Variants in XKR6 observed in about 807,000 individuals in gnomAD.
The protein encoded by XKR6 is XK-related protein 6.
Under a neutral mutation model 56.7 loss-of-function variants are expected in XKR6, and 22 were observed. The ratio of observed to expected loss-of-function variants is 0.39; its 90% CI spans 0.28 to 0.55. The LOEUF (loss-of-function observed/expected upper bound fraction) is 0.55, where lower values mean the gene tolerates loss of function less well. Ranked by LOEUF, XKR6 falls within the 20% of genes least tolerant of loss-of-function variation. XKR6 has a pLI of 0.66. For synonymous variants in XKR6, 524 were observed against 387.8 expected (o/e 1.35, Z -4.13); for missense variants, 852 against 889.0 (o/e 0.96, Z 0.53).
chr8:11,057,901 C>T (rs1029974393), intron 1 of XKR6, among the ~76,000 whole-genome samples: 2 of 152,222 alleles, frequency 1.3e-5, no homozygotes, highest in African/African-American at 4.8e-5. Flanking sequence ...CCGCATCTGA[C>T]AGACATTGAA....
chr8:10,917,043 T>C (rs1800582377), intron 2 of XKR6, among the ~76,000 whole-genome samples: 1 of 151,554 alleles, frequency 6.6e-6, no homozygotes, highest in African/African-American at 2.4e-5. Flanking sequence ...TTTATAATTT[T>C]CTCCTGCTTC....
intron 1 of XKR6, chr8:11,124,194 A>G: frequency 2.0e-5 from 7 of 356,818 alleles, no homozygotes; most frequent in South Asian, 1.5e-4. Context: ...GGGAGAAAAA[A>G]GCCAACCTTA....
chr8:11,102,927 G>A (rs572922776), intron 1 of XKR6, among the ~76,000 whole-genome samples: 5 of 152,178 alleles, frequency 3.3e-5, no homozygotes, highest in Admixed American at 3.3e-4. Context: ...TCAACCTCAT[G>A]AGGAAAGACA....
intron 1 of XKR6, among the ~76,000 whole-genome samples, chr8:11,032,264 A>G (rs932775738): frequency 5.9e-5 from 9 of 152,144 alleles, no homozygotes; most frequent in South Asian, 2.1e-4. Context: ...GGAAAACAAC[A>G]TCTTGGTGGG....
chr8:11,186,696 A>G (rs951240218), intron 1 of XKR6, among the ~76,000 whole-genome samples: 2 of 152,154 alleles, frequency 1.3e-5, no homozygotes, highest in African/African-American at 4.8e-5. Context: ...AGAGTTTTTA[A>G]GAAACAGTTA....
intron 1 of XKR6, among the ~76,000 whole-genome samples, chr8:11,022,487 C>T (rs79454085): frequency 2.4e-4 from 37 of 152,346 alleles, no homozygotes; most frequent in Non-Finnish European, 4.1e-4. Flanking sequence ...TGACCTTATA[C>T]AAACACCAGA....
At chr8:11,160,696 T>C (rs1347488531) in intron 1 of XKR6, among the ~76,000 whole-genome samples, 2 of 151,806 alleles carry the variant, frequency 1.3e-5, no homozygotes, top group East Asian at 3.9e-4. Flanking sequence ...GATCCCGAGG[T>C]CAAGAGATCG....
At chr8:11,084,022 G>A (rs1797808334) in intron 1 of XKR6, among the ~76,000 whole-genome samples, 2 of 152,162 alleles carry the variant, frequency 1.3e-5, no homozygotes, top group South Asian at 4.2e-4. Flanking sequence ...TCCTAAATGG[G>A]AATCCCTAAG....
At chr8:11,091,459 ATAG>A (rs1798069346) in intron 1 of XKR6, among the ~76,000 whole-genome samples, 3 of 151,944 alleles carry the variant, frequency 2.0e-5, no homozygotes, top group South Asian at 4.2e-4. Flanking sequence ...AAATAAATAG[ATAG>A]ATAGATAAAA....
chr8:10,898,389 C>G lies in XKR6; in HGVS notation c.1489G>C (p.Val497Leu). The stretch of plus-strand genomic sequence containing the variant: ...GCTCGTGGTCCTGTGGGATGCAGCA[C>G]GCCATAGTATAAGAGCATCATTGCG... Reference protein sequence around the residue: ...GIAMMLLYYGVLHPTGPRAKI... With the variant: ...GIAMMLLYYGLLHPTGPRAKI... The change falls in exon 3 of 3, where the codon GTG becomes CTG. Residue 497 changes from valine (V) to leucine (L), a missense_variant. By Grantham distance (32) the Val-to-Leu change is conservative. Coordinates refer to ENST00000416569, the MANE Select transcript of XKR6 (RefSeq NM_173683.4). This position sits in a 1 kb window ranked among gnomAD's most constrained non-coding sequence, Gnocchi z 6.6. 6.2e-7 allele frequency: 1 copy of G among 1,614,016 alleles called. No homozygotes were observed. Among genetic ancestry groups the G allele is most frequent in the Non-Finnish European group, 8.5e-7 (1 of 1,179,996 alleles).
intron 1 of XKR6, among the ~76,000 whole-genome samples, chr8:11,182,023 G>A (rs934672977): frequency 2.0e-5 from 3 of 152,132 alleles, no homozygotes; most frequent in African/African-American, 7.2e-5. Context: ...ACACTCAAGC[G>A]ATCCGCTCGC....
At chr8:11,140,669 G>T (rs941333642) in intron 1 of XKR6, among the ~76,000 whole-genome samples, 2 of 152,024 alleles carry the variant, frequency 1.3e-5, no homozygotes, top group East Asian at 3.9e-4. Context: ...AGGCTGAGGT[G>T]GGTGGGTCAC....
intron 1 of XKR6, among the ~76,000 whole-genome samples, chr8:11,117,352 T>C (rs17152882): frequency 6.6e-6 from 1 of 152,196 alleles, no homozygotes; most frequent in Non-Finnish European, 1.5e-5. Flanking sequence ...ACAGCATTCT[T>C]AATTTCTGTG....
At chr8:10,988,848 C>T (rs1036711687) in intron 1 of XKR6, among the ~76,000 whole-genome samples, 1 of 152,188 alleles carries the variant, frequency 6.6e-6, no homozygotes, top group Non-Finnish European at 1.5e-5. Flanking sequence ...AGGCCTGCTG[C>T]GGAGTTAAGG....
At chr8:11,130,138 T>C (rs1800030404) in intron 1 of XKR6, among the ~76,000 whole-genome samples, 1 of 152,158 alleles carries the variant, frequency 6.6e-6, no homozygotes, top group South Asian at 2.1e-4. Context: ...AACTAGACAG[T>C]GTTTGGCATT....
chr8:10,969,627 C>A (rs142390364), intron 1 of XKR6, among the ~76,000 whole-genome samples: 222 of 152,300 alleles, frequency 1.5e-3, no homozygotes, highest in African/African-American at 4.9e-3. Context: ...GGACAGTCAT[C>A]CTGAAAGGCC....
At chr8:11,155,151 T>A (rs1030275510) in intron 1 of XKR6, among the ~76,000 whole-genome samples, 1 of 152,250 alleles carries the variant, frequency 6.6e-6, no homozygotes, top group Non-Finnish European at 1.5e-5. Flanking sequence ...GTGCTCATTT[T>A]ACAAGCTCAT....
At chr8:10,904,205 G>C (rs1430029507) in intron 2 of XKR6, among the ~76,000 whole-genome samples, 1 of 152,190 alleles carries the variant, frequency 6.6e-6, no homozygotes, top group Non-Finnish European at 1.5e-5. Context: ...CCAGGAGGCA[G>C]CGCTGGCAGC....
chr8:11,173,480 C>G (rs898259877), intron 1 of XKR6, among the ~76,000 whole-genome samples: 1 of 151,910 alleles, frequency 6.6e-6, no homozygotes, highest in African/African-American at 2.4e-5. Flanking sequence ...ACAGCATCGT[C>G]AGAACATGAT....
Sources: gnomAD v4.1 joint callset for allele counts (sites outside exome capture counted in the v4.1 genomes callset) on GRCh38, gnomAD v4.1.1 for gene constraint, Gnocchi (gnomAD v3.1) non-coding constraint, MANE v1.5 for transcripts, NCBI Gene and HGNC (gene_info 2026-07-23, HGNC 2026-07-21) for gene names.